The following FAM171A1 variants were observed in gnomAD, a reference collection of about 807,000 sequenced individuals.
FAM171A1 encodes protein FAM171A1.
In FAM171A1, 23 loss-of-function variants were observed where a neutral mutation model predicts 74.9. That is an observed-to-expected ratio of 0.31 (90% confidence interval 0.22 to 0.44). The LOEUF (loss-of-function observed/expected upper bound fraction) is 0.44, where lower values mean the gene tolerates loss of function less well. FAM171A1 is among the 20% of genes least tolerant of loss of function. The pLI is 1.00. For synonymous variants in FAM171A1, 527 were observed against 505.7 expected, an observed-to-expected ratio of 1.04 and a Z score of -0.57; for missense variants, 1,162 against 1,159.2, an observed-to-expected ratio of 1.00 and a Z score of -0.03.
At chr10:15,290,141 T>C (rs1466358501) in intron 1 of FAM171A1, among the ~76,000 whole-genome samples, 1 of 151,910 alleles carries the variant, frequency 6.6e-6, no homozygotes, top group Non-Finnish European at 1.5e-5. Context: ...GGCCGGAGAA[T>C]TGCTTGAACC....
At chr10:15,345,959 T>C (rs1407795338) in intron 1 of FAM171A1, among the ~76,000 whole-genome samples, 2 of 151,946 alleles carry the variant, frequency 1.3e-5, no homozygotes, top group African/African-American at 2.4e-5. Flanking sequence ...TGTGATGTGA[T>C]AGGGAAGGGA....
At chr10:15,327,252 C>A (rs753888900) in intron 1 of FAM171A1, among the ~76,000 whole-genome samples, 11 of 152,162 alleles carry the variant, frequency 7.2e-5, no homozygotes, top group Non-Finnish European at 1.5e-4. Flanking sequence ...AGGCCACTCA[C>A]CTCATAGATT....
chr10:15,256,323 A>G (rs980418220), intron 3 of FAM171A1, among the ~76,000 whole-genome samples: 2 of 152,214 alleles, frequency 1.3e-5, no homozygotes, highest in African/African-American at 4.8e-5. Context: ...CTCTTCTTAA[A>G]GGTGAAGTCA....
At chr10:15,283,834 C>A in intron 2 of FAM171A1, 44 bp downstream of exon 2, 1 of 1,590,356 alleles carries the variant, frequency 6.3e-7, no homozygotes, top group Non-Finnish European at 8.6e-7. Flanking sequence ...ATCCTCCCAC[C>A]AGCCAATGCC....
chr10:15,256,432 G>C (rs1834581409), intron 3 of FAM171A1, among the ~76,000 whole-genome samples: 1 of 152,132 alleles, frequency 6.6e-6, no homozygotes, highest in African/African-American at 2.4e-5. Context: ...TTAAAAACTA[G>C]CAGGTAGACT....
At chr10:15,361,484 A>G (rs1835993466) in intron 1 of FAM171A1, among the ~76,000 whole-genome samples, 1 of 152,134 alleles carries the variant, frequency 6.6e-6, no homozygotes, top group Admixed American at 6.5e-5. Context: ...GAAGTTCGAG[A>G]CCAGCCTGGC....
At chr10:15,302,095 T>C (rs756143641) in intron 1 of FAM171A1, among the ~76,000 whole-genome samples, 23 of 152,166 alleles carry the variant, frequency 1.5e-4, no homozygotes, top group Non-Finnish European at 2.9e-4. Flanking sequence ...TTTCCCTTAG[T>C]AAATTCTAAC....
intron 3 of FAM171A1, among the ~76,000 whole-genome samples, chr10:15,264,519 A>C (rs1288535073): frequency 6.6e-6 from 1 of 152,172 alleles, no homozygotes; most frequent in African/African-American, 2.4e-5. Context: ...GACAATACAA[A>C]TACATCGGGC....
At chr10:15,285,180 G>A (rs1835020684) in intron 1 of FAM171A1, among the ~76,000 whole-genome samples, 1 of 152,204 alleles carries the variant, frequency 6.6e-6, no homozygotes, top group Non-Finnish European at 1.5e-5. Flanking sequence ...TACCATGGCT[G>A]AGGGGGAACA....
At chr10:15,368,209 A>T (rs969545819) in intron 1 of FAM171A1, among the ~76,000 whole-genome samples, 1 of 152,252 alleles carries the variant, frequency 6.6e-6, no homozygotes, top group Non-Finnish European at 1.5e-5. Context: ...ATTGGAAATC[A>T]CTTTGCCAAT....
chr10:15,267,557 C>T (rs544111610), intron 3 of FAM171A1, among the ~76,000 whole-genome samples: 2 of 124,566 alleles, frequency 1.6e-5, no homozygotes, highest in Non-Finnish European at 3.2e-5. Flanking sequence ...GAGCCGAGAT[C>T]GCGCCACTGT....
intron 1 of FAM171A1, among the ~76,000 whole-genome samples, chr10:15,329,103 G>A (rs543920850): frequency 4.7e-4 from 71 of 152,250 alleles, no homozygotes; most frequent in African/African-American, 1.2e-3. Context: ...TGGTGATGTC[G>A]GGAAGAAGGT....
intron 1 of FAM171A1, among the ~76,000 whole-genome samples, chr10:15,364,301 T>C (rs532703314): frequency 6.9e-4 from 105 of 152,092 alleles, no homozygotes; most frequent in Non-Finnish European, 9.7e-4. Context: ...GACCCGAACA[T>C]AAGAAAAGCC....
intron 1 of FAM171A1, among the ~76,000 whole-genome samples, chr10:15,325,753 T>G (rs1259167837): frequency 6.6e-6 from 1 of 152,118 alleles, no homozygotes; most frequent in Non-Finnish European, 1.5e-5. Flanking sequence ...CGGTCGTGCT[T>G]GGCTTCCACG....
At chr10:15,353,970 C>T (rs1034407298) in intron 1 of FAM171A1, among the ~76,000 whole-genome samples, 6 of 152,226 alleles carry the variant, frequency 3.9e-5, no homozygotes, top group Non-Finnish European at 8.8e-5. Flanking sequence ...ATCTGAAATG[C>T]CAAATGCAAA....
rs1000799165 is a variant in FAM171A1, at chr10:15,283,864, G to A, written c.325+14C>T. ...AATGCCCTCTGTGTTAAAGAAAGAT[G>A]AGGAACGCCTTACCAGGTAACCGGA... On this transcript the variant is annotated intron_variant, in intron 2 of 7. Transcript: ENST00000378116. 5 of 1,613,172 alleles carry A rather than the reference G, an allele frequency of 3.1e-6. No individual in the cohort carries two copies. Among genetic ancestry groups the A allele is most frequent in the Middle Eastern group, 3.3e-4 (2 of 6,082 alleles).
chr10:15,220,510 C>T (rs1050954139), intron 6 of FAM171A1, among the ~76,000 whole-genome samples: 3 of 152,182 alleles, frequency 2.0e-5, no homozygotes, highest in Non-Finnish European at 4.4e-5. Flanking sequence ...AACTGGTTTA[C>T]GTTTAAGCCA....
chr10:15,216,248 G>C, intron 6 of FAM171A1, 138 bp from the exon 7 acceptor site: 1 of 523,818 alleles, frequency 1.9e-6, no homozygotes, highest in Non-Finnish European at 3.3e-6. Flanking sequence ...AACGCCCTTG[G>C]ATCATGCACT....
At chr10:15,249,004 G>C (rs1232951220) in intron 4 of FAM171A1, among the ~76,000 whole-genome samples, 189 bp from the exon 5 acceptor site, 1 of 151,898 alleles carries the variant, frequency 6.6e-6, no homozygotes, top group Non-Finnish European at 1.5e-5. Flanking sequence ...TACACACAAA[G>C]AAACAGGCTC....
Sources: allele counts gnomAD v4.1 joint callset (sites outside exome capture counted in the v4.1 genomes callset), GRCh38; gene constraint gnomAD v4.1.1; transcripts MANE v1.5; gene names NCBI Gene and HGNC (gene_info 2026-07-23, HGNC 2026-07-21).